CTNNA3: variants seen among roughly 807,000 people sequenced by gnomAD.
The protein encoded by CTNNA3 is catenin alpha-3.
CTNNA3 carries 76 observed loss-of-function variants against 95.7 expected under a neutral mutation model. The observed-to-expected ratio is 0.79, with a 90% CI of 0.66 to 0.96. The LOEUF is 0.96. Among genes scored for constraint, CTNNA3 ranks in the 40% least tolerant of loss-of-function variants. The pLI is 0.00. For missense variants in CTNNA3, 1,191 were observed against 1,089.8 expected (o/e 1.09, Z -1.31); for synonymous variants, 431 against 374.4 (o/e 1.15, Z -1.74).
intron 5 of CTNNA3, among the ~76,000 whole-genome samples, chr10:67,342,102 T>C (rs1293375313): frequency 4.4e-5 from 6 of 135,768 alleles, no homozygotes; most frequent in Non-Finnish European, 9.7e-5. Flanking sequence ...TTTTCTTCTT[T>C]TTTTTTTTTT....
chr10:67,272,695 T>G (rs1171835227), intron 5 of CTNNA3, among the ~76,000 whole-genome samples: 1 of 152,178 alleles, frequency 6.6e-6, no homozygotes, highest in Non-Finnish European at 1.5e-5. Flanking sequence ...GGGAAGAAAG[T>G]TTTAGTTCTC....
intron 5 of CTNNA3, among the ~76,000 whole-genome samples, chr10:67,444,510 A>T (rs113561621): frequency 0.023 from 3,540 of 152,182 alleles, 135 homozygotes; most frequent in African/African-American, 0.076. Flanking sequence ...AGCAAACCAA[A>T]CCCAAAATTA....
intron 14 of CTNNA3, among the ~76,000 whole-genome samples, chr10:66,100,885 A>G (rs1164707812): frequency 2.0e-5 from 3 of 152,226 alleles, no homozygotes; most frequent in Non-Finnish European, 4.4e-5. Context: ...GGTATTATTC[A>G]TCTCATTTTT....
chr10:66,467,406 T>C (rs138759148), intron 11 of CTNNA3, among the ~76,000 whole-genome samples: 6 of 152,208 alleles, frequency 3.9e-5, no homozygotes, highest in African/African-American at 1.4e-4. Flanking sequence ...TGTGCAGATA[T>C]CTAATATCCT....
chr10:65,982,202 CA>C (rs200261953), intron 16 of CTNNA3, among the ~76,000 whole-genome samples: 16,479 of 137,774 alleles, frequency 0.12, 1,114 homozygotes, highest in East Asian at 0.21. Context: ...AGACGATTCT[CA>C]AAAAAAAAAA....
chr10:67,128,991 T>C (rs1426856867), intron 7 of CTNNA3, among the ~76,000 whole-genome samples: 4 of 152,002 alleles, frequency 2.6e-5, no homozygotes, highest in African/African-American at 9.7e-5. Flanking sequence ...ATTTAAAAAT[T>C]CTTCTGACCA....
chr10:67,131,133 T>C (rs557188692), intron 7 of CTNNA3, among the ~76,000 whole-genome samples: 1 of 152,122 alleles, frequency 6.6e-6, no homozygotes, highest in Admixed American at 6.6e-5. Context: ...GAACTCAGAA[T>C]ACACTATGCT....
chr10:66,018,292 A>G (rs2079134998), intron 15 of CTNNA3, among the ~76,000 whole-genome samples: 1 of 152,006 alleles, frequency 6.6e-6, no homozygotes, highest in Non-Finnish European at 1.5e-5. Context: ...AATCAGGAGA[A>G]CTGTTTGTAT....
rs115776579 is a variant in CTNNA3 at position 66,727,952 on chromosome 10, A to G, written c.1281+38312T>C. ...TAGGGTATAAAAAGCCACATTTTTA[A>G]TATAAAACTTTATTAATGTGACGAA... On this transcript the variant is annotated intron_variant, in intron 9 of 17. Transcript: ENST00000433211. Among the ~76,000 whole-genome samples the G allele has an allele frequency of 8.3e-3, 1,268 of 152,294 alleles. 25 individuals carry two copies. The highest frequency in any genetic ancestry group is 0.029 in the African/African-American group (1,204 of 41,552).
rs1473154847 is a variant in CTNNA3, at chr10:66,661,908, T to A, written c.1282-40124A>T. 1.3e-5 allele frequency among the ~76,000 whole-genome samples: 2 copies of A among 152,180 alleles called. 1 individual carries two copies. The highest frequency in any genetic ancestry group is 2.9e-5 in the Non-Finnish European group (2 of 68,036). ...AATGTTAAACAGTCGAATCAACGTA[T>A]GGTGGAATTACAATTCAGCTCACAG... On this transcript the variant is annotated intron_variant, in intron 9 of 17. Coordinates refer to ENST00000433211, the MANE Select transcript of CTNNA3 (RefSeq NM_013266.4).
intron 10 of CTNNA3, among the ~76,000 whole-genome samples, chr10:66,560,954 C>T (rs1464254203): frequency 1.3e-5 from 2 of 151,928 alleles, no homozygotes; most frequent in African/African-American, 4.8e-5. Context: ...TTGGATCTAC[C>T]AACACCTTGA....
chr10:66,773,214 A>T (rs1045197126), intron 8 of CTNNA3, among the ~76,000 whole-genome samples: 4 of 152,176 alleles, frequency 2.6e-5, no homozygotes, highest in Non-Finnish European at 5.9e-5. Context: ...AGCTTCTAAC[A>T]ATTCCATCCA....
intron 10 of CTNNA3, among the ~76,000 whole-genome samples, chr10:66,560,866 ACT>A (rs1202670354): frequency 1.3e-5 from 2 of 151,510 alleles, no homozygotes; most frequent in Non-Finnish European, 2.9e-5. Context: ...TCTCTCTCTG[ACT>A]CTCTTTTCTC....
intron 16 of CTNNA3, among the ~76,000 whole-genome samples, chr10:65,970,015 G>T (rs1385292316): frequency 6.6e-6 from 1 of 152,046 alleles, no homozygotes; most frequent in Non-Finnish European, 1.5e-5. Flanking sequence ...CTCAAAGGCA[G>T]CTAGAGAAAA....
At chr10:67,137,693 G>A (rs1201138023) in intron 7 of CTNNA3, among the ~76,000 whole-genome samples, 2 of 151,966 alleles carry the variant, frequency 1.3e-5, no homozygotes, top group African/African-American at 2.4e-5. Flanking sequence ...AACTAACAGC[G>A]GTCCTGAAAT....
chr10:67,291,017 A>T (rs550920135), intron 5 of CTNNA3, among the ~76,000 whole-genome samples: 2 of 152,224 alleles, frequency 1.3e-5, no homozygotes, highest in East Asian at 3.9e-4. Context: ...CAGATGATAG[A>T]AAAACATAAG....
At chr10:66,896,702 T>G (rs545950091) in intron 7 of CTNNA3, among the ~76,000 whole-genome samples, 1 of 152,314 alleles carries the variant, frequency 6.6e-6, no homozygotes, top group East Asian at 1.9e-4. Context: ...ACGGCCTTCC[T>G]CATCTGTTTC....
chr10:67,198,006 A>G (rs1388546193), intron 6 of CTNNA3, among the ~76,000 whole-genome samples: 1 of 152,150 alleles, frequency 6.6e-6, no homozygotes, highest in African/African-American at 2.4e-5. Flanking sequence ...GTTGATGAAA[A>G]TTTTCTGTAT....
chr10:67,221,638 G>A (rs765950188), intron 5 of CTNNA3, among the ~76,000 whole-genome samples: 3 of 151,952 alleles, frequency 2.0e-5, no homozygotes, highest in African/African-American at 7.3e-5. Context: ...ACAGTGGCGC[G>A]ATCTAGGCTC....
Sources: allele counts gnomAD v4.1 joint callset (sites outside exome capture counted in the v4.1 genomes callset), GRCh38; gene constraint gnomAD v4.1.1; transcripts MANE v1.5; gene names NCBI Gene and HGNC (gene_info 2026-07-23, HGNC 2026-07-21).